DNAH5: variants seen among roughly 807,000 people sequenced by gnomAD.
The protein encoded by DNAH5 is axonemal beta dynein heavy chain 5.
DNAH5 carries 372 observed loss-of-function variants against 518.2 expected under a neutral mutation model. The ratio of observed to expected loss-of-function variants is 0.72; its 90% CI spans 0.66 to 0.78. The LOEUF is 0.78. Among genes scored for constraint, DNAH5 ranks in the 30% least tolerant of loss-of-function variants. DNAH5 has a pLI of 0.00. For missense variants in DNAH5, 5,523 were observed against 5,687.0 expected (o/e 0.97, Z 0.93); for synonymous variants, 2,039 against 2,025.9 (o/e 1.01, Z -0.17).
intron 1 of DNAH5, among the ~76,000 whole-genome samples, chr5:14,009,629 AT>A (rs1209491276): frequency 6.6e-6 from 1 of 152,236 alleles, no homozygotes; most frequent in African/African-American, 2.4e-5. Flanking sequence ...GGTTAAGAAA[AT>A]CATGCAGTAC....
rs57555346 is a variant in DNAH5 at position 13,852,530 on chromosome 5, C to A, written c.4951-1715G>T. Among the ~76,000 whole-genome samples, 190 of 151,980 alleles carry A rather than the reference C, an allele frequency of 1.3e-3. 1 individual carries two copies. Among genetic ancestry groups the A allele is most frequent in the African/African-American group, 3.1e-3 (128 of 41,472 alleles). Reference sequence around the variant, plus strand: ...TGCCACTGAGGCAGAACCATTCACTCCCCTGGAAAGGGGGCTGAAGCCAGG... The same window carrying A: ...TGCCACTGAGGCAGAACCATTCACTACCCTGGAAAGGGGGCTGAAGCCAGG... On this transcript the variant is annotated intron_variant, in intron 30 of 78. Transcript: ENST00000265104.
Position 13,788,709 on chromosome 5 carries a change from A to T in DNAH5, c.8647+7T>A. ...GGGGAATTCCAAATTCCACTTCAAT[A>T]GTTTACCTGCAGCTTCAGGTGCATC... On this transcript the variant is annotated splice_region_variant and intron_variant, in intron 51 of 78. Coordinates refer to ENST00000265104, the MANE Select transcript of DNAH5 (RefSeq NM_001369.3). 1 of 1,612,192 alleles carries T rather than the reference A, an allele frequency of 6.2e-7. No homozygotes were observed. Among genetic ancestry groups the T allele is most frequent in the South Asian group, 1.1e-5 (1 of 91,048 alleles).
At chr5:13,738,873 T>G (rs530758977) in intron 65 of DNAH5, among the ~76,000 whole-genome samples, 2 of 152,188 alleles carry the variant, frequency 1.3e-5, no homozygotes, top group Non-Finnish European at 2.9e-5. Flanking sequence ...AAATTTAAAA[T>G]GAAACTTATG....
intron 1 of DNAH5, among the ~76,000 whole-genome samples, chr5:13,967,054 G>T (rs531098559): frequency 6.8e-4 from 103 of 152,100 alleles, no homozygotes; most frequent in African/African-American, 2.4e-3. Context: ...TAGAGATAGG[G>T]TTTTGCCATG....
intron 56 of DNAH5, among the ~76,000 whole-genome samples, 169 bp downstream of exon 56, chr5:13,770,580 C>A (rs974711239): frequency 2.6e-5 from 4 of 152,114 alleles, no homozygotes; most frequent in African/African-American, 9.7e-5. Flanking sequence ...TTAGCAACAT[C>A]CCTAAGCCTC....
Position 13,919,339 on chromosome 5 carries a change from T to C in DNAH5, c.812A>G (p.Asn271Ser). 1 of 1,613,964 alleles carries C rather than the reference T, an allele frequency of 6.2e-7. No homozygotes were observed. Among genetic ancestry groups the C allele is most frequent in the Non-Finnish European group, 8.5e-7 (1 of 1,179,918 alleles). Residue 271 changes from asparagine to serine, a missense_variant, in exon 7 of 79, where the codon AAC (asparagine) becomes AGC (serine). Asn to Ser is a conservative substitution (Grantham distance 46). Around this residue, in one of 3 missense-constraint regions of DNAH5, gnomAD observed 5,121 missense variants for 5,223.3 expected, o/e 0.98. Transcript: ENST00000265104. ...ATCCGCTTCCTTCAGCAGCTGATTG[T>C]TTTCAGCAAGAACCTGCAAATGCGC... ...IKQTEQVLAE[N>S]NQLLKEADDV...
At position 13,862,539 on chromosome 5, in the gene DNAH5, T is replaced by C; in HGVS notation, c.4796+9A>G. 3 of 1,613,626 alleles carry C rather than the reference T, an allele frequency of 1.9e-6. No homozygotes were observed. Among genetic ancestry groups the C allele is most frequent in the Non-Finnish European group, 2.5e-6 (3 of 1,179,626 alleles). ...CAAATCTAAGGGAAAAGATAGATGGTTTTCCCACCTGTTGCTCAGTAGGGA... is the reference window on the plus strand; with the variant it reads ...CAAATCTAAGGGAAAAGATAGATGGCTTTCCCACCTGTTGCTCAGTAGGGA... On this transcript the variant is annotated intron_variant, in intron 29 of 78. Transcript: ENST00000265104.
rs1272718580 is a variant in DNAH5, at chr5:13,770,759, G to A, written c.9595C>T (p.Leu3199=). ...GAACATCACACTTACCTGTTGGCCA[G>A]GGTCCGCACCTCCACATGCTTTTCT... ...YGEKHVEVRT[L]ANRMNTGLEK... Residue 3199 remains leucine (L), a synonymous_variant, in exon 56 of 79, where the codon CTG becomes TTG. Transcript: ENST00000265104. 6 of 1,613,762 alleles carry A rather than the reference G, an allele frequency of 3.7e-6. No individual in the cohort carries two copies. The Admixed American group carries it at 1.0e-4, about 27-fold the overall frequency.
At chr5:13,789,032 G>A (rs1756527468) in intron 50 of DNAH5, 118 bp from the exon 51 acceptor site, 1 of 938,878 alleles carries the variant, frequency 1.1e-6, no homozygotes, top group African/African-American at 1.6e-5. Context: ...ATTTTAAAAA[G>A]TTAGGGTTCA....
At chr5:13,840,288 G>A (rs6554819) in intron 34 of DNAH5, among the ~76,000 whole-genome samples, 63,338 of 151,910 alleles carry the variant, frequency 0.42, 13,732 homozygotes, top group East Asian at 0.61. Flanking sequence ...ATTATTATGA[G>A]AATAAGAGCT....
intron 58 of DNAH5, among the ~76,000 whole-genome samples, chr5:13,767,612 T>C (rs1282880750): frequency 2.6e-5 from 4 of 152,192 alleles, no homozygotes; most frequent in Non-Finnish European, 5.9e-5. Flanking sequence ...TTATATAAAA[T>C]GTAAGGGCTA....
chr5:13,693,981 C>T (rs1741029013), intron 78 of DNAH5, among the ~76,000 whole-genome samples: 2 of 152,132 alleles, frequency 1.3e-5, no homozygotes, highest in South Asian at 2.1e-4. Flanking sequence ...ATACGGTTAA[C>T]GCTAACTATA....
intron 78 of DNAH5, among the ~76,000 whole-genome samples, chr5:13,700,327 C>CTCCTT (rs1741924147): frequency 6.6e-6 from 1 of 152,206 alleles, no homozygotes; most frequent in African/African-American, 2.4e-5. Flanking sequence ...TTATCTCACT[C>CTCCTT]TCCTTTCCCA....
intron 65 of DNAH5, among the ~76,000 whole-genome samples, chr5:13,743,182 A>G (rs954489821): frequency 2.6e-5 from 4 of 152,078 alleles, no homozygotes. Context: ...GCAGATAGAT[A>G]TATTGATAGA....
chr5:13,924,971 G>A (rs1777713700), intron 3 of DNAH5, among the ~76,000 whole-genome samples: 1 of 152,164 alleles, frequency 6.6e-6, no homozygotes. Context: ...TGGGAGGATG[G>A]CGCTAATGGT....
At chr5:13,802,375 A>C (rs1445300438) in intron 47 of DNAH5, among the ~76,000 whole-genome samples, 3 of 152,220 alleles carry the variant, frequency 2.0e-5, no homozygotes, top group Non-Finnish European at 4.4e-5. Context: ...CCTAGGGACA[A>C]TTCAATTACT....
intron 53 of DNAH5, among the ~76,000 whole-genome samples, chr5:13,778,937 T>A (rs10072349): frequency 6.6e-6 from 1 of 152,152 alleles, no homozygotes. Context: ...GGTGGTTGGG[T>A]ATACTGGATG....
At chr5:13,738,088 A>T (rs1028560592) in intron 65 of DNAH5, among the ~76,000 whole-genome samples, 1 of 68,412 alleles carries the variant, frequency 1.5e-5, no homozygotes, top group Admixed American at 1.2e-4. Context: ...ATAAAATGTT[A>T]AAAAAAAAAA....
At chr5:13,966,955 G>A (rs893901590) in intron 1 of DNAH5, among the ~76,000 whole-genome samples, 2 of 152,146 alleles carry the variant, frequency 1.3e-5, no homozygotes, top group Non-Finnish European at 2.9e-5. Context: ...TGCACCTCCT[G>A]GATTCAAGTG....
Sources: gnomAD v4.1 joint callset for allele counts (sites outside exome capture counted in the v4.1 genomes callset) on GRCh38, gnomAD v4.1.1 for gene constraint, gnomAD v4.1.1 regional missense constraint, MANE v1.5 for transcripts, NCBI Gene and HGNC (gene_info 2026-07-23, HGNC 2026-07-21) for gene names.